Variants in TBCK observed in about 807,000 individuals in gnomAD.
TBCK encodes TBC1 domain containing kinase.
TBCK carries 99 observed loss-of-function variants against 113.4 expected under a neutral mutation model. The observed-to-expected ratio is 0.87, with a 90% CI of 0.74 to 1.03. The LOEUF (loss-of-function observed/expected upper bound fraction) is 1.03, where lower values mean the gene tolerates loss of function less well. TBCK is among the 50% of genes least tolerant of loss of function. The pLI is 0.00. For synonymous variants in TBCK, 369 were observed against 370.8 expected (o/e 1.00, Z 0.05); for missense variants, 1,045 against 1,061.3 (o/e 0.98, Z 0.21).
intron 21 of TBCK, among the ~76,000 whole-genome samples, 178 bp downstream of exon 21, chr4:106,194,540 T>G (rs1219468958): frequency 6.6e-6 from 1 of 152,030 alleles, no homozygotes; most frequent in African/African-American, 2.4e-5. Flanking sequence ...AATTCTCACT[T>G]TGATATTCAG....
At chr4:106,137,555 A>C (rs1746702758) in intron 23 of TBCK, among the ~76,000 whole-genome samples, 1 of 140,678 alleles carries the variant, frequency 7.1e-6, no homozygotes. Flanking sequence ...ATTTAAAACA[A>C]TAAATTGTTT....
intron 23 of TBCK, among the ~76,000 whole-genome samples, chr4:106,169,122 T>G (rs1428244129): frequency 6.6e-6 from 1 of 152,098 alleles, no homozygotes; most frequent in Non-Finnish European, 1.5e-5. Flanking sequence ...TCAACCTGTA[T>G]TGTCAACAGT....
chr4:106,096,168 G>A (rs2149519974), intron 24 of TBCK, among the ~76,000 whole-genome samples: 1 of 152,210 alleles, frequency 6.6e-6, no homozygotes, highest in East Asian at 1.9e-4. Context: ...ATGATCATGG[G>A]TAGATTACCT....
At chr4:106,271,905 C>T (rs1012576902) in intron 3 of TBCK, among the ~76,000 whole-genome samples, 2 of 152,096 alleles carry the variant, frequency 1.3e-5, no homozygotes, top group East Asian at 1.9e-4. Context: ...TACAGAATCA[C>T]CTTAAGGGCT....
chr4:106,139,404 C>G (rs1434641968), intron 23 of TBCK, among the ~76,000 whole-genome samples: 2 of 141,638 alleles, frequency 1.4e-5, no homozygotes, highest in East Asian at 4.0e-4. Context: ...TAAGATGTCC[C>G]AAATAAAGGA....
chr4:106,216,380 A>C (rs1334420651), intron 19 of TBCK, among the ~76,000 whole-genome samples: 2 of 152,172 alleles, frequency 1.3e-5, no homozygotes, highest in African/African-American at 2.4e-5. Flanking sequence ...GCAGAACTGA[A>C]GGAAATAGAG....
intron 22 of TBCK, among the ~76,000 whole-genome samples, chr4:106,171,718 T>G (rs1751043516): frequency 6.6e-6 from 1 of 152,298 alleles, no homozygotes; most frequent in South Asian, 2.1e-4. Flanking sequence ...AAGATGTTGA[T>G]TGCTGATTCA....
At chr4:106,093,296 G>T (rs759416462) in intron 25 of TBCK, among the ~76,000 whole-genome samples, 29 of 152,156 alleles carry the variant, frequency 1.9e-4, no homozygotes, top group South Asian at 6.2e-4. Context: ...CACTAGGTCA[G>T]GAGATTGAGA....
chr4:106,192,247 C>T (rs755019389), intron 22 of TBCK, among the ~76,000 whole-genome samples: 62 of 151,948 alleles, frequency 4.1e-4, no homozygotes, highest in Non-Finnish European at 7.7e-4. Flanking sequence ...ATTGGAAAGG[C>T]AATACATTTG....
chr4:106,048,177 T>G (rs1465076573), intron 25 of TBCK, among the ~76,000 whole-genome samples: 1 of 152,078 alleles, frequency 6.6e-6, no homozygotes, highest in Non-Finnish European at 1.5e-5. Flanking sequence ...CATGGACAAT[T>G]TTTTGAATAA....
intron 1 of TBCK, among the ~76,000 whole-genome samples, chr4:106,313,707 T>G (rs1768436640): frequency 6.6e-6 from 1 of 152,160 alleles, no homozygotes; most frequent in Non-Finnish European, 1.5e-5. Flanking sequence ...CCATTGGGCT[T>G]TAAGGGGAAA....
At chr4:106,117,541 T>C (rs748901392) in intron 23 of TBCK, among the ~76,000 whole-genome samples, 8 of 152,180 alleles carry the variant, frequency 5.3e-5, no homozygotes, top group Non-Finnish European at 1.2e-4. Flanking sequence ...GTCTATGATA[T>C]TGCATAAAAA....
intron 2 of TBCK, among the ~76,000 whole-genome samples, chr4:106,306,150 G>A (rs1383176017): frequency 6.6e-6 from 1 of 150,564 alleles, no homozygotes; most frequent in Non-Finnish European, 1.5e-5. Flanking sequence ...ACTCACTGCA[G>A]CCCCAAACTC....
chr4:106,239,690 T>C (rs1265987731), intron 12 of TBCK, among the ~76,000 whole-genome samples: 1 of 151,822 alleles, frequency 6.6e-6, no homozygotes, highest in Non-Finnish European at 1.5e-5. Flanking sequence ...AAAAACAAAA[T>C]AAACAACCTG....
At chr4:106,107,016 A>C (rs1742244191) in intron 24 of TBCK, among the ~76,000 whole-genome samples, 1 of 147,282 alleles carries the variant, frequency 6.8e-6, no homozygotes. Context: ...CAGATTTCAA[A>C]CCAACAACGA....
At chr4:106,120,385 G>A (rs1256723869) in intron 23 of TBCK, among the ~76,000 whole-genome samples, 2 of 152,120 alleles carry the variant, frequency 1.3e-5, no homozygotes, top group Admixed American at 1.3e-4. Flanking sequence ...AGCGAGGCTG[G>A]GGGAGGGGCG....
intron 23 of TBCK, among the ~76,000 whole-genome samples, chr4:106,168,890 G>A (rs1750685358): frequency 6.6e-6 from 1 of 151,816 alleles, no homozygotes; most frequent in Admixed American, 6.6e-5. Flanking sequence ...AATAAAGGTT[G>A]AATATCTCTA....
At chr4:106,128,715 T>C (rs1745517586) in intron 23 of TBCK, among the ~76,000 whole-genome samples, 1 of 152,152 alleles carries the variant, frequency 6.6e-6, no homozygotes, top group Non-Finnish European at 1.5e-5. Flanking sequence ...CTTAGGGTAA[T>C]GTATATAAGT....
chr4:106,272,436 T>C (rs1763587722), intron 3 of TBCK, among the ~76,000 whole-genome samples: 2 of 152,008 alleles, frequency 1.3e-5, no homozygotes, highest in African/African-American at 4.8e-5. Flanking sequence ...AATTTTTTTT[T>C]CAACTAAGAA....
Sources: gnomAD v4.1 joint callset for allele counts (sites outside exome capture counted in the v4.1 genomes callset) on GRCh38, gnomAD v4.1.1 for gene constraint, MANE v1.5 for transcripts, NCBI Gene and HGNC (gene_info 2026-07-23, HGNC 2026-07-21) for gene names.